SCHIP1: variants seen among roughly 807,000 people sequenced by gnomAD.
SCHIP1 encodes schwannomin-interacting protein 1.
A neutral mutation model predicts 29.7 loss-of-function variants in SCHIP1; 8 were observed. That is an observed-to-expected ratio of 0.27 (90% confidence interval 0.16 to 0.49). The LOEUF is 0.49. Among genes scored for constraint, SCHIP1 ranks in the 20% least tolerant of loss-of-function variants. The pLI is 0.99. For synonymous variants in SCHIP1, 76 were observed against 94.9 expected (o/e 0.80, Z 1.16); for missense variants, 193 against 294.6 (o/e 0.66, Z 2.52).
At chr3:159,624,029 C>G in the SCHIP1 span, among the ~76,000 whole-genome samples, 2 of 151,998 alleles carry the variant, frequency 1.3e-5, no homozygotes, top group African/African-American at 4.8e-5. Flanking sequence ...TATAACTAGT[C>G]AATCAAAGAA....
At chr3:159,507,606 T>G in the SCHIP1 span, among the ~76,000 whole-genome samples, 1 of 152,202 alleles carries the variant, frequency 6.6e-6, no homozygotes, top group Non-Finnish European at 1.5e-5. Context: ...TGTGGGTTTG[T>G]CATAAGTAGC....
At chr3:159,363,819 G>GA in the SCHIP1 span, among the ~76,000 whole-genome samples, 1 of 152,064 alleles carries the variant, frequency 6.6e-6, no homozygotes, top group Non-Finnish European at 1.5e-5. Flanking sequence ...TATTTTGCCA[G>GA]AAAAATAAAA....
the SCHIP1 span, among the ~76,000 whole-genome samples, chr3:159,372,378 T>A: frequency 2.6e-5 from 4 of 152,098 alleles, no homozygotes; most frequent in Non-Finnish European, 5.9e-5. Context: ...GAGCTAAGAT[T>A]TATGGAGGCT....
At chr3:159,759,545 G>C in the SCHIP1 span, among the ~76,000 whole-genome samples, 1 of 152,212 alleles carries the variant, frequency 6.6e-6, no homozygotes, top group Non-Finnish European at 1.5e-5. Flanking sequence ...CAAACACTGT[G>C]ATCAAGTGTC....
the SCHIP1 span, among the ~76,000 whole-genome samples, chr3:159,654,453 C>T: frequency 3.3e-5 from 5 of 152,136 alleles, no homozygotes; most frequent in Non-Finnish European, 5.9e-5. Flanking sequence ...TCTATAAAGT[C>T]TTTTTCAAGT....
intron 1 of SCHIP1, among the ~76,000 whole-genome samples, chr3:159,854,961 G>A (rs753699814): frequency 1.7e-4 from 26 of 152,266 alleles, no homozygotes; most frequent in Non-Finnish European, 1.5e-4. Flanking sequence ...AGACATGTAC[G>A]GCTCAAGGAG....
chr3:159,668,996 C>T, the SCHIP1 span, among the ~76,000 whole-genome samples: 2 of 152,132 alleles, frequency 1.3e-5, no homozygotes, highest in Non-Finnish European at 2.9e-5. Flanking sequence ...GGCCCTTTTC[C>T]CCTAGTGCTC....
chr3:159,383,870 A>T, the SCHIP1 span, among the ~76,000 whole-genome samples: 4 of 151,428 alleles, frequency 2.6e-5, no homozygotes, highest in African/African-American at 9.7e-5. Context: ...CTTTGAAGCA[A>T]TTGTGAATGG....
At chr3:159,401,476 ATTTT>A in the SCHIP1 span, 5 of 454,252 alleles carry the variant, frequency 1.1e-5, no homozygotes, top group Non-Finnish European at 8.7e-6. Context: ...GCATAATTTT[ATTTT>A]ACCCTAATAC....
At chr3:159,418,526 T>C in the SCHIP1 span, among the ~76,000 whole-genome samples, 3 of 152,242 alleles carry the variant, frequency 2.0e-5, no homozygotes, top group African/African-American at 7.2e-5. Context: ...TGAAAGAATG[T>C]TACAGGAATT....
the SCHIP1 span, among the ~76,000 whole-genome samples, chr3:159,585,391 C>G: frequency 1.3e-5 from 2 of 152,106 alleles, no homozygotes; most frequent in African/African-American, 2.4e-5. Flanking sequence ...ACAGGAGATT[C>G]GTTTCTTAGA....
the SCHIP1 span, chr3:159,764,484 C>T: frequency 6.5e-7 from 1 of 1,543,070 alleles, no homozygotes. The surrounding 1 kb of genome is among the most constrained non-coding windows in gnomAD (Gnocchi z 6.1). Flanking sequence ...GTGACGCCGG[C>T]AGCAGCAGCA....
At chr3:159,297,373 A>G in the SCHIP1 span, among the ~76,000 whole-genome samples, 1 of 152,162 alleles carries the variant, frequency 6.6e-6, no homozygotes, top group Admixed American at 6.5e-5. Context: ...AGGAACCTCC[A>G]TACTGTTTTC....
At chr3:159,461,596 G>A in the SCHIP1 span, among the ~76,000 whole-genome samples, 4 of 148,668 alleles carry the variant, frequency 2.7e-5, no homozygotes, top group African/African-American at 9.9e-5. Flanking sequence ...TTTTTTTTGA[G>A]ACAGAGTCTC....
At chr3:159,322,554 G>A in the SCHIP1 span, among the ~76,000 whole-genome samples, 1 of 152,132 alleles carries the variant, frequency 6.6e-6, no homozygotes. Context: ...TGAGTCTACG[G>A]CCAAGTGAAA....
the SCHIP1 span, among the ~76,000 whole-genome samples, chr3:159,318,917 C>T: frequency 6.6e-6 from 1 of 152,078 alleles, no homozygotes; most frequent in Non-Finnish European, 1.5e-5. Context: ...CAGTAACAGG[C>T]CATGAGCTGT....
chr3:159,855,230 G>A (rs550593867), intron 1 of SCHIP1, among the ~76,000 whole-genome samples: 8 of 152,226 alleles, frequency 5.3e-5, no homozygotes, highest in South Asian at 2.1e-4. Flanking sequence ...TATGTGTATC[G>A]TGATTATTAT....
the SCHIP1 span, among the ~76,000 whole-genome samples, chr3:159,411,537 C>A: frequency 1.1e-4 from 16 of 152,186 alleles, no homozygotes; most frequent in South Asian, 2.9e-3. Flanking sequence ...GTTAATGCAC[C>A]AGTATACACC....
the SCHIP1 span, among the ~76,000 whole-genome samples, chr3:159,805,108 T>C: frequency 3.3e-5 from 5 of 152,202 alleles, no homozygotes; most frequent in African/African-American, 1.2e-4. Flanking sequence ...CCACAAGCCC[T>C]ACCACCTGAT....
Sources: gnomAD v4.1 joint callset for allele counts (sites outside exome capture counted in the v4.1 genomes callset) on GRCh38, gnomAD v4.1.1 for gene constraint, Gnocchi (gnomAD v3.1) non-coding constraint, MANE v1.5 for transcripts, NCBI Gene and HGNC (gene_info 2026-07-23, HGNC 2026-07-21) for gene names.